The following EYS variants were observed in gnomAD, a reference collection of about 807,000 sequenced individuals.
The protein encoded by EYS is EGF-like photoreceptor maintenance factor.
EYS carries 250 observed loss-of-function variants against 282.1 expected under a neutral mutation model. The observed-to-expected ratio is 0.89, with a 90% CI of 0.80 to 0.98. The LOEUF is 0.98. EYS is among the 50% of genes least tolerant of loss of function. EYS has a pLI of 0.00. For synonymous variants in EYS, 1,355 were observed against 1,282.9 expected (o/e 1.06, Z -1.20); for missense variants, 4,016 against 3,709.0 (o/e 1.08, Z -2.15).
At chr6:64,171,754 G>A (rs980186100) in intron 31 of EYS, among the ~76,000 whole-genome samples, 1 of 152,116 alleles carries the variant, frequency 6.6e-6, no homozygotes, top group Non-Finnish European at 1.5e-5. Flanking sequence ...GTTTTATTGG[G>A]GAGTTGGGTT....
At chr6:65,677,350 T>C (rs1768656712) in intron 1 of EYS, among the ~76,000 whole-genome samples, 1 of 151,822 alleles carries the variant, frequency 6.6e-6, no homozygotes, top group Admixed American at 6.6e-5. Flanking sequence ...CTGTTAGAAC[T>C]AGTAAATGAA....
chr6:65,452,312 G>A (rs984381137), intron 5 of EYS, among the ~76,000 whole-genome samples: 12 of 149,848 alleles, frequency 8.0e-5, no homozygotes, highest in African/African-American at 2.9e-4. Context: ...AAAGAAAGAA[G>A]TAAGAACATG....
intron 2 of EYS, among the ~76,000 whole-genome samples, chr6:65,513,292 T>A (rs952158292): frequency 4.6e-5 from 7 of 152,230 alleles, no homozygotes; most frequent in South Asian, 2.1e-4. Context: ...ATTGTGGCAA[T>A]AATCAATAGC....
intron 36 of EYS, among the ~76,000 whole-genome samples, chr6:63,824,126 C>T (rs531681004): frequency 1.3e-3 from 197 of 152,232 alleles, no homozygotes; most frequent in African/African-American, 4.5e-3. Context: ...TCATTTATAA[C>T]GTAACTATAA....
chr6:64,127,849 T>C (rs953193200), intron 31 of EYS, among the ~76,000 whole-genome samples: 10 of 152,146 alleles, frequency 6.6e-5, no homozygotes, highest in Non-Finnish European at 1.2e-4. Context: ...ATTTTCCATA[T>C]ACTTATTATA....
chr6:65,165,624 C>T (rs565510538), intron 12 of EYS, among the ~76,000 whole-genome samples: 1 of 151,016 alleles, frequency 6.6e-6, no homozygotes, highest in East Asian at 2.0e-4. Context: ...CCAAGACCTA[C>T]CAAAAGAAAA....
intron 2 of EYS, among the ~76,000 whole-genome samples, chr6:65,578,538 C>G (rs866944516): frequency 6.6e-6 from 1 of 151,114 alleles, no homozygotes; most frequent in Admixed American, 6.6e-5. Flanking sequence ...TCATGGTGAC[C>G]ACAGTAAATA....
chr6:65,644,289 CAAT>C (rs1347003188), intron 1 of EYS, among the ~76,000 whole-genome samples: 1 of 152,010 alleles, frequency 6.6e-6, no homozygotes, highest in African/African-American at 2.4e-5. Flanking sequence ...AAAGTCTCAG[CAAT>C]AGAATAGAAC....
intron 28 of EYS, among the ~76,000 whole-genome samples, chr6:64,433,125 T>C (rs1291561118): frequency 6.6e-6 from 1 of 152,012 alleles, no homozygotes; most frequent in Admixed American, 6.6e-5. Context: ...CAGAGCATAT[T>C]TGTTTCGCTT....
At chr6:64,260,131 C>A (rs192956553) in intron 30 of EYS, among the ~76,000 whole-genome samples, 4 of 96,440 alleles carry the variant, frequency 4.1e-5, no homozygotes, top group African/African-American at 7.5e-5. Flanking sequence ...TTTAATGGGG[C>A]GGGGCAGGGG....
At chr6:64,118,089 A>G (rs1226827122) in intron 31 of EYS, among the ~76,000 whole-genome samples, 1 of 152,116 alleles carries the variant, frequency 6.6e-6, no homozygotes, top group Non-Finnish European at 1.5e-5. Flanking sequence ...GATTAGAATA[A>G]TAAATATTGT....
At chr6:65,360,571 C>T (rs1248550001) in intron 8 of EYS, among the ~76,000 whole-genome samples, 3 of 152,000 alleles carry the variant, frequency 2.0e-5, no homozygotes, top group Non-Finnish European at 4.4e-5. Flanking sequence ...TTTCTGGTCT[C>T]CTATTATTAC....
At chr6:64,026,055 T>C (rs1393901623) in intron 33 of EYS, among the ~76,000 whole-genome samples, 1 of 152,220 alleles carries the variant, frequency 6.6e-6, no homozygotes, top group Admixed American at 6.5e-5. Context: ...GTCCTCCATG[T>C]GGTCCGGGAG....
intron 30 of EYS, among the ~76,000 whole-genome samples, chr6:64,232,976 A>C (rs1766472707): frequency 1.3e-5 from 2 of 152,178 alleles, no homozygotes; most frequent in Admixed American, 6.5e-5. Context: ...CAGTATTCTG[A>C]ATTCTAATTT....
chr6:65,083,032 T>C (rs1774269535), intron 12 of EYS, among the ~76,000 whole-genome samples: 1 of 152,016 alleles, frequency 6.6e-6, no homozygotes, highest in African/African-American at 2.4e-5. Flanking sequence ...AATGTTAATA[T>C]ATTCTGCCAA....
chr6:64,737,985 T>C (rs1772237123), intron 22 of EYS, among the ~76,000 whole-genome samples: 1 of 152,236 alleles, frequency 6.6e-6, no homozygotes, highest in African/African-American at 2.4e-5. Flanking sequence ...CATGGTTCCT[T>C]TTCCTTATAG....
At chr6:64,887,295 G>A (rs1480119182) in intron 18 of EYS, among the ~76,000 whole-genome samples, 1 of 123,720 alleles carries the variant, frequency 8.1e-6, no homozygotes, top group Non-Finnish European at 1.7e-5. Context: ...TGGGGGGAGG[G>A]GGGAGGGATA....
chr6:64,101,278 A>G (rs559355687), intron 31 of EYS, among the ~76,000 whole-genome samples: 14 of 152,160 alleles, frequency 9.2e-5, no homozygotes, highest in African/African-American at 2.9e-4. Flanking sequence ...CCAGTGCTAT[A>G]TTTTGAAGAT....
intron 5 of EYS, among the ~76,000 whole-genome samples, chr6:65,471,578 T>C (rs1765219735): frequency 6.6e-6 from 1 of 152,174 alleles, no homozygotes; most frequent in Admixed American, 6.5e-5. Flanking sequence ...TTGACATCAT[T>C]GTAATTTATG....
Sources: gnomAD v4.1 joint callset for allele counts (sites outside exome capture counted in the v4.1 genomes callset) on GRCh38, gnomAD v4.1.1 for gene constraint, MANE v1.5 for transcripts, NCBI Gene and HGNC (gene_info 2026-07-23, HGNC 2026-07-21) for gene names.